POLA1: variants seen among roughly 807,000 people sequenced by gnomAD.
The protein encoded by POLA1 is DNA polymerase alpha 1, catalytic subunit, also known as DNA polymerase alpha catalytic subunit.
POLA1 carries 15 observed loss-of-function variants against 124.0 expected under a neutral mutation model. That is an observed-to-expected ratio of 0.12 (90% confidence interval 0.08 to 0.19). The LOEUF (loss-of-function observed/expected upper bound fraction) is 0.19. Ranked by LOEUF, POLA1 falls within the 10% of genes least tolerant of loss-of-function variation. The pLI, the probability that POLA1 is intolerant of heterozygous loss-of-function variation, is 1.00. For synonymous variants in POLA1, 408 were observed against 389.4 expected, an observed-to-expected ratio of 1.05 and a Z score of -0.56; for missense variants, 886 against 1,103.4, an observed-to-expected ratio of 0.80 and a Z score of 2.79.
chrX:24,930,833 A>G (rs1414002430), intron 36 of POLA1, among the ~76,000 whole-genome samples: 2 of 112,371 alleles, frequency 1.8e-5, no homozygotes, highest in Non-Finnish European at 3.8e-5. Context: ...TGAAAATGCT[A>G]TTTTCTACAG....
At chrX:24,943,099 CAA>C (rs1350011313) in intron 36 of POLA1, among the ~76,000 whole-genome samples, 1 of 112,606 alleles carries the variant, frequency 8.9e-6, no homozygotes, top group African/African-American at 3.2e-5. Context: ...ATACATCTGT[CAA>C]AAGTGTATCA....
chrX:24,854,291 C>T (rs1417535117), intron 34 of POLA1, among the ~76,000 whole-genome samples: 1 of 110,599 alleles, frequency 9.0e-6, no homozygotes, highest in African/African-American at 3.3e-5. Flanking sequence ...GTGATTCACC[C>T]CCCTCGCCTC....
intron 18 of POLA1, among the ~76,000 whole-genome samples, chrX:24,736,374 T>A (rs1474296854): frequency 8.9e-6 from 1 of 111,909 alleles, no homozygotes; most frequent in Admixed American, 9.5e-5. Context: ...AAAAAGATTC[T>A]GTCCACAGTG....
intron 35 of POLA1, among the ~76,000 whole-genome samples, chrX:24,918,942 A>G (rs1484941607): frequency 8.9e-6 from 1 of 111,917 alleles, no homozygotes; most frequent in Non-Finnish European, 1.9e-5. Context: ...TAATCTGTTC[A>G]TGAGAGATCT....
intron 20 of POLA1, among the ~76,000 whole-genome samples, chrX:24,741,146 T>TGTGC (rs1555980133): frequency 8.2e-5 from 8 of 97,814 alleles, no homozygotes; most frequent in South Asian, 4.6e-4. Flanking sequence ...TGTGTGTGTG[T>TGTGC]GCGCGCGTGT....
chrX:24,753,674 T>G (rs1336506598), intron 26 of POLA1, among the ~76,000 whole-genome samples: 2 of 112,156 alleles, frequency 1.8e-5, no homozygotes, highest in African/African-American at 6.5e-5. Context: ...AATTTAAAAC[T>G]GACTATGTAC....
chrX:24,720,607 C>A (rs1032282616), intron 10 of POLA1, among the ~76,000 whole-genome samples: 2 of 111,850 alleles, frequency 1.8e-5, no homozygotes, highest in Non-Finnish European at 3.8e-5. Flanking sequence ...CCCCCACAAC[C>A]CCACAAAGTA....
chrX:24,728,015 G>T, intron 15 of POLA1, 79 bp downstream of exon 15: 3 of 805,596 alleles, frequency 3.7e-6, no homozygotes, highest in Non-Finnish European at 5.3e-6. Flanking sequence ...TGCTTTAAGA[G>T]AAAGTTGTTC....
At chrX:24,742,160 C>A (rs767947094) in intron 22 of POLA1, 39 bp downstream of exon 22, 4 of 86,017 alleles carry the variant, frequency 4.7e-5, no homozygotes, top group Admixed American at 1.5e-4. Flanking sequence ...TTTCTCTTAA[C>A]CCCCCCCCCC....
intron 34 of POLA1, among the ~76,000 whole-genome samples, chrX:24,882,684 GGTGTGTGTGTGTGTGT>G (rs57530564): frequency 6.8e-5 from 6 of 87,609 alleles, no homozygotes; most frequent in African/African-American, 1.3e-4. Flanking sequence ...TATATTCCAT[GGTGTGTGTGTGTGTGT>G]GTGTGTGTGT....
At chrX:24,919,820 G>GTTTTTTTTTTTT (rs1324232190) in intron 35 of POLA1, among the ~76,000 whole-genome samples, 20 of 29,505 alleles carry the variant, frequency 6.8e-4, no homozygotes, top group Admixed American at 2.1e-3. Context: ...TTTTTTTTTT[G>GTTTTTTTTTTTT]TTTTTTTTTT....
intron 26 of POLA1, among the ~76,000 whole-genome samples, chrX:24,774,482 G>A (rs1006301643): frequency 9.0e-6 from 1 of 111,664 alleles, no homozygotes; most frequent in Non-Finnish European, 1.9e-5. Context: ...GCTTTATTCG[G>A]GGCCAAGGGT....
intron 36 of POLA1, among the ~76,000 whole-genome samples, chrX:24,942,240 A>G (rs1203880627): frequency 8.9e-6 from 1 of 112,398 alleles, no homozygotes; most frequent in East Asian, 2.8e-4. Flanking sequence ...TTCTGAGATG[A>G]GAAACAACCC....
chrX:24,955,688 A>G lies in POLA1; in HGVS notation c.4261+25139A>G, dbSNP rs149134568. Among the ~76,000 whole-genome samples the G allele has an allele frequency of 2.3e-3, 260 of 111,990 alleles. 10 individuals carry two copies. In the East Asian group the frequency reaches 0.067, roughly 29 times the overall value. On this transcript the variant is annotated intron_variant, in intron 36 of 36. Coordinates refer to ENST00000379068, the MANE Select transcript of POLA1 (RefSeq NM_001330360.2). The stretch of plus-strand genomic sequence containing the variant: ...AGTGCTCACGGAGAATAAGACTGAC[A>G]TGGACTTGATGAGAACTTTCAGCTA...
intron 31 of POLA1, among the ~76,000 whole-genome samples, chrX:24,823,278 A>G (rs1180259116): frequency 8.9e-6 from 1 of 112,208 alleles, no homozygotes; most frequent in Non-Finnish European, 1.9e-5. Flanking sequence ...CCCATGGGAC[A>G]TGCTCCCTTT....
intron 36 of POLA1, among the ~76,000 whole-genome samples, chrX:24,934,155 G>A (rs1331686675): frequency 8.9e-6 from 1 of 112,364 alleles, no homozygotes; most frequent in Middle Eastern, 4.6e-3. Flanking sequence ...TAAGTGAACA[G>A]TTCAGGGGAA....
chrX:24,988,338 G>A (rs1156357370), intron 36 of POLA1, among the ~76,000 whole-genome samples: 1 of 112,672 alleles, frequency 8.9e-6, no homozygotes, highest in East Asian at 2.8e-4. Context: ...CCGTCAGCCT[G>A]TGCATTCATT....
chrX:24,863,958 C>CTATTTATTTATTTATT (rs61095074), intron 34 of POLA1, among the ~76,000 whole-genome samples: 1 of 96,949 alleles, frequency 1.0e-5, no homozygotes, highest in Non-Finnish European at 2.0e-5. Context: ...TTTTCTGGAA[C>CTATTTATTTATTTATT]TATTTATTTA....
Position 24,714,623 on chromosome X carries a change from A to G in POLA1, c.416A>G (p.Asn139Ser), listed in dbSNP as rs776450064. 3 of 1,196,229 alleles carry G rather than the reference A, an allele frequency of 2.5e-6. No individual in the cohort carries two copies. The highest frequency in any genetic ancestry group is 3.5e-5 in the African/African-American group (2 of 57,250). ...VKKLAVTKPN[N>S]IKSMFIACAG... ...AAGCTCGCAGTGACAAAACCGAACA[A>G]CATTAAGTCAATGTTCATTGCTTGT... Residue 139 changes from asparagine to serine, a missense_variant, in exon 5 of 37, where the codon AAC becomes AGC. Transcript: ENST00000379068.
Sources: allele counts gnomAD v4.1 joint callset (sites outside exome capture counted in the v4.1 genomes callset), GRCh38; gene constraint gnomAD v4.1.1; transcripts MANE v1.5; gene names NCBI Gene and HGNC (gene_info 2026-07-23, HGNC 2026-07-21).